The following AKAP12 variants were observed in gnomAD, a reference collection of about 807,000 sequenced individuals.
AKAP12 encodes the protein A-kinase anchoring protein 12.
A neutral mutation model predicts 79.9 loss-of-function variants in AKAP12; 32 were observed. The ratio of observed to expected loss-of-function variants is 0.40; its 90% CI spans 0.30 to 0.54. The LOEUF (loss-of-function observed/expected upper bound fraction) is 0.54, where lower values mean the gene tolerates loss of function less well. Ranked by LOEUF, AKAP12 falls within the 20% of genes least tolerant of loss-of-function variation. AKAP12 has a pLI of 0.48. For synonymous variants in AKAP12, 808 were observed against 857.0 expected (o/e 0.94, Z 1.00); for missense variants, 2,074 against 2,177.0 (o/e 0.95, Z 0.94).
chr6:151,248,734 A>G (rs1049580116), intron 2 of AKAP12, among the ~76,000 whole-genome samples: 1 of 152,202 alleles, frequency 6.6e-6, no homozygotes, highest in Non-Finnish European at 1.5e-5. Context: ...TCACGCCTGT[A>G]ATCCCAGCAC....
intron 2 of AKAP12, among the ~76,000 whole-genome samples, chr6:151,251,138 C>G (rs1266361986): frequency 6.6e-6 from 1 of 151,962 alleles, no homozygotes; most frequent in African/African-American, 2.4e-5. Flanking sequence ...GATAAGAGGC[C>G]ATTAGTCAGG....
intron 3 of AKAP12, among the ~76,000 whole-genome samples, chr6:151,329,700 G>A (rs949335267): frequency 6.6e-6 from 1 of 152,146 alleles, no homozygotes; most frequent in East Asian, 1.9e-4. Context: ...TTGGAGACAC[G>A]AAATTGATAC....
At chr6:151,302,562 G>C (rs192120339) in intron 2 of AKAP12, among the ~76,000 whole-genome samples, 1 of 151,856 alleles carries the variant, frequency 6.6e-6, no homozygotes, top group East Asian at 1.9e-4. Flanking sequence ...CTTGGATTGG[G>C]CAATTCACAG....
chr6:151,350,346 A>C lies in AKAP12; in HGVS notation c.1955A>C (p.Glu652Ala). The C allele has an allele frequency of 6.2e-7, 1 of 1,613,934 alleles. No homozygotes were observed. Among genetic ancestry groups the C allele is most frequent in the Non-Finnish European group, 8.5e-7 (1 of 1,180,006 alleles). The change falls in exon 4 of 5, where the codon GAA becomes GCA. Residue 652 changes from glutamate to alanine, a missense_variant. Physicochemically the swap from Glu to Ala is moderately radical, Grantham distance 107. Coordinates refer to ENST00000402676, the MANE Select transcript of AKAP12 (RefSeq NM_005100.4). The surrounding 1 kb of genome is among the most constrained non-coding windows in gnomAD (Gnocchi z 4.8). ...TLSSTESTASEMQEEMKGSVE... is the reference protein window; with the variant it reads ...TLSSTESTASAMQEEMKGSVE... ...TCTTCCACCGAGAGCACAGCCTCTG[A>C]AATGCAAGAAGAAATGAAAGGGAGC...
Position 151,352,991 on chromosome 6 carries a change from G to C in AKAP12, c.4600G>C (p.Glu1534Gln). The C allele has an allele frequency of 6.3e-7, 1 of 1,585,012 alleles. No homozygotes were observed. The stretch of plus-strand genomic sequence containing the variant: ...AGTGAGTGTAGCAATTGAGGATTTA[G>C]AGCCTGAAAATGGGATTTTGGAACT... The part of the protein sequence containing the change: ...VKVSVAIEDL[E>Q]PENGILELET... The change falls in exon 4 of 5, where the codon GAG becomes CAG. Residue 1534 changes from glutamate to glutamine, a missense_variant. Physicochemically the swap from Glu to Gln is conservative, Grantham distance 29 (BLOSUM62 2). Coordinates refer to ENST00000402676, the MANE Select transcript of AKAP12 (RefSeq NM_005100.4).
At position 151,332,758 on chromosome 6, in the gene AKAP12, G is replaced by A. The variant is rs57538323; in HGVS notation, c.320-15953G>A. On this transcript the variant is annotated intron_variant, in intron 3 of 4. Transcript: ENST00000402676. ...CGAAGACGGAGGTGCCTGTGAATTCGGGCTCCAGAGGCTTCTACGGGGGAC... is the reference window on the plus strand; with the variant it reads ...CGAAGACGGAGGTGCCTGTGAATTCAGGCTCCAGAGGCTTCTACGGGGGAC... Among the ~76,000 whole-genome samples the A allele has an allele frequency of 3.1e-3, 477 of 151,952 alleles. 1 individual carries two copies. Among genetic ancestry groups the A allele is most frequent in the African/African-American group, 0.011 (456 of 41,282 alleles).
At chr6:151,299,683 T>C (rs1776814176) in intron 2 of AKAP12, among the ~76,000 whole-genome samples, 1 of 152,074 alleles carries the variant, frequency 6.6e-6, no homozygotes, top group Admixed American at 6.5e-5. Flanking sequence ...ATCTACCTCA[T>C]AGCTTTTGAT....
intron 2 of AKAP12, among the ~76,000 whole-genome samples, chr6:151,275,157 T>C (rs1488951437): frequency 6.6e-6 from 1 of 152,086 alleles, no homozygotes; most frequent in Admixed American, 6.6e-5. Context: ...GTTTGACCCA[T>C]ATGTGATAAC....
chr6:151,333,939 AG>A (rs1490334474), intron 3 of AKAP12, among the ~76,000 whole-genome samples: 2 of 151,784 alleles, frequency 1.3e-5, no homozygotes, highest in Non-Finnish European at 2.9e-5. Context: ...CACAGGAAGA[AG>A]GGTCCTGGCC....
rs80222404 is a variant in AKAP12 at position 151,243,384 on chromosome 6, A to T, written c.162+2660A>T. 4.5e-3 allele frequency among the ~76,000 whole-genome samples: 693 copies of T among 152,338 alleles called. 11 individuals carry two copies. The highest frequency in any genetic ancestry group is 0.032 in the East Asian group (164 of 5,192). On this transcript the variant is annotated intron_variant, in intron 2 of 4. Coordinates refer to ENST00000402676, the MANE Select transcript of AKAP12 (RefSeq NM_005100.4). ...TCACATGCATGCTATCTATTTAGCA[A>T]TTGGATTTACTTTCCTTTTTTTCTG...
At chr6:151,289,266 C>A (rs1033958680) in intron 2 of AKAP12, among the ~76,000 whole-genome samples, 6 of 152,186 alleles carry the variant, frequency 3.9e-5, no homozygotes, top group African/African-American at 1.2e-4. Flanking sequence ...CTGATACTCT[C>A]CACCCCTAAT....
chr6:151,354,562 A>T lies in AKAP12; in HGVS notation c.*12+810A>T, dbSNP rs189700215. ...CTAATTTTTTGTATTTTTAGTAGAGATGGGTTTTCACCGTGTTAGCCAGGA... is the reference window on the plus strand; with the variant it reads ...CTAATTTTTTGTATTTTTAGTAGAGTTGGGTTTTCACCGTGTTAGCCAGGA... On this transcript the variant is annotated intron_variant, in intron 4 of 4. Coordinates refer to ENST00000402676, the MANE Select transcript of AKAP12 (RefSeq NM_005100.4). Among the ~76,000 whole-genome samples the T allele has an allele frequency of 5.1e-4, 77 of 150,698 alleles. No individual in the cohort carries two copies. In the East Asian group the frequency reaches 9.9e-3, roughly 19 times the overall value.
rs532047561 is a variant in AKAP12 at position 151,341,142 on chromosome 6, C to G, written c.320-7569C>G. 9.9e-5 allele frequency among the ~76,000 whole-genome samples: 15 copies of G among 151,862 alleles called. No homozygotes were observed. The East Asian group carries it at 2.3e-3, about 24-fold the overall frequency. ...TCTCGGCTCACTGCAACCTCCGCCT[C>G]CCTGGTTCAACCGATTCTCCTGCCT... On this transcript the variant is annotated intron_variant, in intron 3 of 4. Coordinates refer to ENST00000402676, the MANE Select transcript of AKAP12 (RefSeq NM_005100.4).
At chr6:151,269,683 G>T (rs1388282081) in intron 2 of AKAP12, among the ~76,000 whole-genome samples, 1 of 152,180 alleles carries the variant, frequency 6.6e-6, no homozygotes, top group Non-Finnish European at 1.5e-5. Context: ...AGTCTCAATT[G>T]CTGGAAAAGT....
intron 3 of AKAP12, among the ~76,000 whole-genome samples, chr6:151,323,082 G>A (rs1254084875): frequency 6.6e-6 from 1 of 152,154 alleles, no homozygotes; most frequent in East Asian, 1.9e-4. Context: ...TATCCTAATT[G>A]ATGACTTTTC....
intron 3 of AKAP12, 22 bp downstream of exon 3, chr6:151,305,925 TG>T (rs1776969001): frequency 6.3e-7 from 1 of 1,587,280 alleles, no homozygotes; most frequent in Non-Finnish European, 8.6e-7. Context: ...CTCCAGGAAC[TG>T]GAAGGCACAC....
chr6:151,263,271 G>A (rs866913810), intron 2 of AKAP12, among the ~76,000 whole-genome samples: 4 of 152,162 alleles, frequency 2.6e-5, no homozygotes, highest in Non-Finnish European at 4.4e-5. Context: ...TTGGGCTCAA[G>A]CAATCCCCCT....
Position 151,353,275 on chromosome 6 carries a change from T to G in AKAP12, c.4884T>G (p.Ser1628=), listed in dbSNP as rs375042411. 15 of 1,614,056 alleles carry G rather than the reference T, an allele frequency of 9.3e-6. 1 individual carries two copies. The highest frequency in any genetic ancestry group is 1.0e-5 in the Non-Finnish European group (12 of 1,180,046). The part of the protein sequence containing the change: ...SESTAVGQAH[S]DISKDMSEAS... The stretch of plus-strand genomic sequence containing the variant: ...CAACCGCAGTGGGACAAGCACATTC[T>G]GATATTTCCAAAGACATGAGTGAAG... Residue 1628 remains serine (S), a synonymous_variant, in exon 4 of 5, where the codon TCT becomes TCG. Transcript: ENST00000402676.
chr6:151,258,574 AT>A (rs1797347195), intron 2 of AKAP12, among the ~76,000 whole-genome samples: 1 of 152,344 alleles, frequency 6.6e-6, no homozygotes, highest in South Asian at 2.1e-4. Flanking sequence ...TTTTGGCCAC[AT>A]AAAGAGGAAG....
Sources: gnomAD v4.1 joint callset for allele counts (sites outside exome capture counted in the v4.1 genomes callset) on GRCh38, gnomAD v4.1.1 for gene constraint, Gnocchi (gnomAD v3.1) non-coding constraint, MANE v1.5 for transcripts, NCBI Gene and HGNC (gene_info 2026-07-23, HGNC 2026-07-21) for gene names.